Variants in NCOA7 observed in about 807,000 individuals in gnomAD.
NCOA7 encodes the protein 140 kDa estrogen receptor-associated protein.
NCOA7 carries 45 observed loss-of-function variants against 104.3 expected under a neutral mutation model. The observed-to-expected ratio is 0.43, with a 90% CI of 0.34 to 0.55. The LOEUF (loss-of-function observed/expected upper bound fraction) is 0.55. Ranked by LOEUF, NCOA7 falls within the 20% of genes least tolerant of loss-of-function variation. NCOA7 has a pLI of 0.02. For synonymous variants in NCOA7, 398 were observed against 402.3 expected, an observed-to-expected ratio of 0.99 and a Z score of 0.13; for missense variants, 1,041 against 1,119.7, an observed-to-expected ratio of 0.93 and a Z score of 1.00.
intron 10 of NCOA7, among the ~76,000 whole-genome samples, chr6:125,905,991 T>G (rs1350487002): frequency 6.6e-6 from 1 of 152,016 alleles, no homozygotes; most frequent in Non-Finnish European, 1.5e-5. Context: ...TTAGTAGAGA[T>G]GGGGTTTCAC....
chr6:125,907,249 G>C (rs10223441), intron 10 of NCOA7, among the ~76,000 whole-genome samples: 107,196 of 152,172 alleles, frequency 0.7, 37,847 homozygotes, highest in East Asian at 0.77. Context: ...ACAAGCATTT[G>C]CTGGCAGAGT....
intron 1 of NCOA7, among the ~76,000 whole-genome samples, chr6:125,811,242 G>A (rs1316053108): frequency 6.6e-6 from 1 of 152,126 alleles, no homozygotes; most frequent in Non-Finnish European, 1.5e-5. Flanking sequence ...TTTTGGATTT[G>A]TATTGGTCTG....
At chr6:125,804,486 G>T (rs892342096) in intron 1 of NCOA7, among the ~76,000 whole-genome samples, 2 of 152,160 alleles carry the variant, frequency 1.3e-5, no homozygotes, top group African/African-American at 4.8e-5. Flanking sequence ...TGAGAAAGAG[G>T]ATGTCTCTTA....
intron 13 of NCOA7, among the ~76,000 whole-genome samples, chr6:125,924,122 A>G (rs1190646974): frequency 6.6e-6 from 1 of 152,216 alleles, no homozygotes; most frequent in Non-Finnish European, 1.5e-5. Context: ...ATTTAGTGAA[A>G]TGTTCCAGAA....
At chr6:125,925,887 T>A (rs1049724830) in intron 13 of NCOA7, among the ~76,000 whole-genome samples, 8 of 152,320 alleles carry the variant, frequency 5.3e-5, no homozygotes, top group East Asian at 3.9e-4. Flanking sequence ...ACAATTTTTT[T>A]AAATACATTA....
At chr6:125,907,240 C>A (rs1412411618) in intron 10 of NCOA7, among the ~76,000 whole-genome samples, 1 of 152,220 alleles carries the variant, frequency 6.6e-6, no homozygotes, top group African/African-American at 2.4e-5. Flanking sequence ...GAAAGAAGAA[C>A]AAGCATTTGC....
intron 1 of NCOA7, among the ~76,000 whole-genome samples, chr6:125,793,639 A>G (rs891231236): frequency 1.7e-4 from 26 of 152,278 alleles, no homozygotes; most frequent in South Asian, 4.1e-4. Flanking sequence ...TAAAGGCTGT[A>G]TTTTAGAAAC....
At chr6:125,900,773 AGTT>A in intron 10 of NCOA7, among the ~76,000 whole-genome samples, 1 of 152,274 alleles carries the variant, frequency 6.6e-6, no homozygotes, top group South Asian at 2.1e-4. Context: ...AAATAAATAA[AGTT>A]GTTTTTTTTT....
chr6:125,886,498 A>AT (rs1784274331), intron 8 of NCOA7, among the ~76,000 whole-genome samples: 2 of 152,238 alleles, frequency 1.3e-5, no homozygotes, highest in African/African-American at 4.8e-5. Context: ...TCAATGTGAG[A>AT]TTATGTTTAA....
At chr6:125,928,321 G>A (rs1229591029) in intron 15 of NCOA7, 74 bp downstream of exon 15, 12 of 1,358,776 alleles carry the variant, frequency 8.8e-6, no homozygotes, top group East Asian at 6.9e-5. Flanking sequence ...TTTGACCTAC[G>A]TAGTTAAAAC....
In NCOA7 at chr6:125,889,559, C is replaced by T. The variant is rs745673617; in HGVS notation, c.1505C>T (p.Ser502Leu). The change falls in exon 9 of 16, where the codon TCG (serine) becomes TTG (leucine). Residue 502 changes from serine to leucine, a missense_variant. Transcript: ENST00000392477. ...CCAGAAGTGGACAAGCAGTCTGGTT[C>T]GCCAGAAAGCCGAGTAGAAAACACA... is the stretch of plus-strand genomic sequence containing the variant. ...IMPEVDKQSGSPESRVENTLN... is the reference protein window; with the variant it reads ...IMPEVDKQSGLPESRVENTLN... The T allele has an allele frequency of 2.2e-5, 35 of 1,613,766 alleles. No homozygotes were observed. The Admixed American group carries it at 3.7e-4, about 17-fold the overall frequency.
At chr6:125,902,504 G>T (rs1398638177) in intron 10 of NCOA7, among the ~76,000 whole-genome samples, 1 of 151,188 alleles carries the variant, frequency 6.6e-6, no homozygotes, top group Non-Finnish European at 1.5e-5. Context: ...TTAAAGTGGG[G>T]ATGGAAGGGA....
intron 10 of NCOA7, among the ~76,000 whole-genome samples, chr6:125,913,137 T>TGG (rs1340772899): frequency 1.3e-5 from 2 of 152,194 alleles, no homozygotes; most frequent in East Asian, 3.8e-4. Context: ...TCAAGGTTCT[T>TGG]CAGAGAAACA....
chr6:125,878,356 A>G lies in NCOA7; in HGVS notation c.445A>G (p.Ile149Val), dbSNP rs1235951475. ...ACTGAATAAACTTTTCACACATACT[A>G]TTGTTCCAGGCCAGGTAATTATACT... The part of the protein sequence containing the change: ...VELNKLFTHT[I>V]VPGQVLFVPD... The change falls in exon 5 of 16, where the codon ATT (isoleucine) becomes GTT (valine). Residue 149 changes from isoleucine to valine, a missense_variant. Around this residue, in one of 2 missense-constraint regions of NCOA7, gnomAD observed 914 missense variants for 942.7 expected, o/e 0.97. Coordinates refer to ENST00000392477, the MANE Select transcript of NCOA7 (RefSeq NM_181782.5). 1.2e-6 allele frequency: 2 copies of G among 1,609,050 alleles called. No individual in the cohort carries two copies. Among genetic ancestry groups the G allele is most frequent in the African/African-American group, 1.3e-5 (1 of 74,844 alleles).
At chr6:125,900,095 A>G (rs1785368198) in intron 10 of NCOA7, 9 of 525,554 alleles carry the variant, frequency 1.7e-5, no homozygotes, top group South Asian at 9.9e-5. Flanking sequence ...TAAAGGAAGC[A>G]TGAGGCCAGG....
intron 10 of NCOA7, among the ~76,000 whole-genome samples, chr6:125,912,470 AGT>A (rs1786661609): frequency 6.6e-6 from 1 of 152,240 alleles, no homozygotes; most frequent in African/African-American, 2.4e-5. Context: ...AGAAAAAGAC[AGT>A]GAGAGATAAA....
In NCOA7 at chr6:125,882,533, A is replaced by G. The variant is rs1357191960; in HGVS notation, c.681A>G (p.Arg227=). The G allele has an allele frequency of 6.2e-7, 1 of 1,613,066 alleles. No individual in the cohort carries two copies. Among genetic ancestry groups the G allele is most frequent in the Admixed American group, 1.7e-5 (1 of 59,952 alleles). The part of the protein sequence containing the change: ...GVVKFLKMNC[R]YFTDGKGVVG... ...TGAAATTTTTAAAAATGAATTGTCG[A>G]TACTTCACCGATGGAAAGGTATATA... The change falls in exon 7 of 16, where the codon CGA becomes CGG. Residue 227 remains arginine, a synonymous_variant. Transcript: ENST00000392477.
At chr6:125,804,526 T>G (rs555914269) in intron 1 of NCOA7, among the ~76,000 whole-genome samples, 2 of 152,302 alleles carry the variant, frequency 1.3e-5, no homozygotes, top group South Asian at 4.1e-4. Context: ...GCAGATAGAT[T>G]GTTCTGTTTT....
chr6:125,841,177 A>G (rs1044367618), intron 2 of NCOA7, among the ~76,000 whole-genome samples: 1 of 150,308 alleles, frequency 6.7e-6, no homozygotes. Flanking sequence ...GGTGTGAGCC[A>G]CCGCGCCTGG....
Sources: allele counts gnomAD v4.1 joint callset (sites outside exome capture counted in the v4.1 genomes callset), GRCh38; gene constraint gnomAD v4.1.1; regional missense constraint gnomAD v4.1.1; transcripts MANE v1.5; gene names NCBI Gene and HGNC (gene_info 2026-07-23, HGNC 2026-07-21).